Variants in OGDH observed in about 807,000 individuals in gnomAD.
The protein encoded by OGDH is 2-oxoglutarate dehydrogenase complex component E1.
In OGDH, 38 loss-of-function variants were observed where a neutral mutation model predicts 116.6. That is an observed-to-expected ratio of 0.33 (90% CI 0.25 to 0.43). OGDH has a LOEUF of 0.43. OGDH is among the 20% of genes least tolerant of loss of function. OGDH has a pLI of 1.00. For synonymous variants in OGDH, 488 were observed against 533.3 expected (o/e 0.92, Z 1.17); for missense variants, 825 against 1,357.2 (o/e 0.61, Z 6.16).
intron 5 of OGDH, among the ~76,000 whole-genome samples, chr7:44,669,194 C>T (rs989550881): frequency 1.0e-4 from 14 of 140,062 alleles, no homozygotes; most frequent in African/African-American, 2.6e-4. Context: ...ACTCTGTCAC[C>T]CAGGCTGGAG....
chr7:44,687,198 A>G (rs979386552), intron 10 of OGDH, among the ~76,000 whole-genome samples: 4 of 147,798 alleles, frequency 2.7e-5, no homozygotes, highest in African/African-American at 5.0e-5. Context: ...CCGAGGTTCA[A>G]GCGATTCTCC....
Position 44,707,883 on chromosome 7 carries a change from GCCGGCCGGGAC to G in OGDH, c.2959_2969del (p.Gly987SerfsTer38). The G allele has an allele frequency of 6.2e-7, 1 of 1,612,718 alleles. No homozygotes were observed. The highest frequency in any genetic ancestry group is 8.5e-7 in the Non-Finnish European group (1 of 1,179,502). Reference sequence around the variant, plus strand: ...CCCCCTCCCTCCATCTCTCAGGTATGCCGGCCGGGACCCAGCGGCTGCTCCAGCCACCGGCA... The same window carrying G: ...CCCCCTCCCTCCATCTCTCAGGTATGCCAGCGGCTGCTCCAGCCACCGGCA... On this transcript the variant is annotated frameshift_variant, in exon 23 of 23. Transcript: ENST00000222673. LOFTEE classifies it high-confidence loss of function. This position sits in a 1 kb window ranked among gnomAD's most constrained non-coding sequence, Gnocchi z 5.2.
chr7:44,629,588 T>C (rs1376807864), intron 2 of OGDH, among the ~76,000 whole-genome samples: 4 of 147,258 alleles, frequency 2.7e-5, no homozygotes, highest in Admixed American at 6.7e-5. Flanking sequence ...TTCTTTTTTT[T>C]TTTTTTTTTT....
intron 7 of OGDH, chr7:44,674,827 C>T (rs1007244410): frequency 1.3e-5 from 7 of 541,040 alleles, no homozygotes; most frequent in African/African-American, 1.9e-5. Context: ...AAAATTAAAC[C>T]CAAGTTCCCT....
At chr7:44,641,144 G>A (rs1293672408) in intron 2 of OGDH, among the ~76,000 whole-genome samples, 3 of 145,020 alleles carry the variant, frequency 2.1e-5, no homozygotes, top group African/African-American at 7.7e-5. Flanking sequence ...CTCGTGATCC[G>A]CCCGCTTCAG....
chr7:44,667,836 G>C (rs958500971), intron 5 of OGDH, among the ~76,000 whole-genome samples: 1 of 152,108 alleles, frequency 6.6e-6, no homozygotes, highest in Admixed American at 6.6e-5. Flanking sequence ...CCTGGAATGG[G>C]GACCCTCAGA....
intron 2 of OGDH, among the ~76,000 whole-genome samples, chr7:44,628,721 A>G (rs1785302807): frequency 6.6e-6 from 1 of 152,116 alleles, no homozygotes; most frequent in South Asian, 2.1e-4. Flanking sequence ...AAGTGCTGGG[A>G]TTACAGATGT....
chr7:44,627,688 A>AT (rs1338829498), intron 2 of OGDH, among the ~76,000 whole-genome samples: 3 of 151,616 alleles, frequency 2.0e-5, no homozygotes, highest in Non-Finnish European at 4.4e-5. Context: ...TATTTTATTT[A>AT]TTTTTTTGAG....
Position 44,624,312 on chromosome 7 carries a change from T to TTAA in OGDH, c.-27-5_-27-4insTAA. The TTAA allele has an allele frequency of 9.6e-6, 12 of 1,255,788 alleles. No homozygotes were observed. Among genetic ancestry groups the TTAA allele is most frequent in the African/African-American group, 2.1e-5 (1 of 47,646 alleles). The allele number at this position is 1,255,788 out of a possible 1,614,324, so 77.8% of individuals were successfully genotyped here. On this transcript the variant is annotated splice_region_variant and splice_polypyrimidine_tract_variant and intron_variant, in intron 1 of 22. Coordinates refer to ENST00000222673, the MANE Select transcript of OGDH (RefSeq NM_002541.4). ...TCTTGTTTTTTTTTTTTTTTTTTTG[T>TTAA]ACAGGCAGTTGTGAAAAACTTCAGG...
At chr7:44,682,427 G>A (rs1585357331) in intron 10 of OGDH, among the ~76,000 whole-genome samples, 1 of 152,070 alleles carries the variant, frequency 6.6e-6, no homozygotes, top group African/African-American at 2.4e-5. Context: ...ACCGGGCATG[G>A]TGGCCCACAA....
In OGDH at chr7:44,694,110, C is replaced by T. The variant is rs1031869489; in HGVS notation, c.1515+106C>T. The T allele has an allele frequency of 1.3e-5, 16 of 1,234,306 alleles. No individual in the cohort carries two copies. Among genetic ancestry groups the T allele is most frequent in the Non-Finnish European group, 1.7e-5 (15 of 896,634 alleles). The allele number at this position is 1,234,306 out of a possible 1,614,324, so 76.5% of individuals were successfully genotyped here. On this transcript the variant is annotated intron_variant, in intron 11 of 22. Coordinates refer to ENST00000222673, the MANE Select transcript of OGDH (RefSeq NM_002541.4). This position sits in a 1 kb window ranked among gnomAD's most constrained non-coding sequence, Gnocchi z 4.2. The stretch of plus-strand genomic sequence containing the variant: ...GAGAGGAGCTTGTCTAGATGAGTCA[C>T]CTCAGGGCTCTCTACTGCCAGGCCT...
chr7:44,687,793 CCT>C (rs1312469443), intron 10 of OGDH, among the ~76,000 whole-genome samples: 1 of 151,996 alleles, frequency 6.6e-6, no homozygotes, highest in Non-Finnish European at 1.5e-5. Flanking sequence ...GTAATTTACC[CCT>C]TTCACAAGTC....
chr7:44,663,773 CA>C (rs1229940743), intron 4 of OGDH, among the ~76,000 whole-genome samples: 2 of 151,546 alleles, frequency 1.3e-5, no homozygotes, highest in Non-Finnish European at 2.9e-5. Flanking sequence ...GATGCTATCT[CA>C]AAAAAAATTA....
intron 12 of OGDH, among the ~76,000 whole-genome samples, chr7:44,695,215 C>T (rs1377761686): frequency 6.6e-6 from 1 of 152,088 alleles, no homozygotes; most frequent in Non-Finnish European, 1.5e-5. Flanking sequence ...CATGTCTCAG[C>T]GTCCCAAGTA....
At chr7:44,692,144 A>G (rs1335621004) in intron 10 of OGDH, among the ~76,000 whole-genome samples, 2 of 151,596 alleles carry the variant, frequency 1.3e-5, no homozygotes, top group Admixed American at 6.6e-5. Flanking sequence ...CCTGTGGCTC[A>G]GTTTTCCCTT....
At chr7:44,704,147 G>A (rs534066403) in intron 20 of OGDH, among the ~76,000 whole-genome samples, 17 of 152,252 alleles carry the variant, frequency 1.1e-4, no homozygotes, top group South Asian at 4.1e-4. Flanking sequence ...TTCCACAGTG[G>A]CTGCATTTTA....
intron 4 of OGDH, among the ~76,000 whole-genome samples, chr7:44,657,781 A>G (rs1003990629): frequency 5.9e-5 from 9 of 152,248 alleles, no homozygotes; most frequent in Admixed American, 3.3e-4. Context: ...ATATAAATCT[A>G]TCATCCATTT....
chr7:44,629,742 G>A (rs1449160224), intron 2 of OGDH, among the ~76,000 whole-genome samples: 3 of 151,816 alleles, frequency 2.0e-5, no homozygotes, highest in African/African-American at 7.3e-5. Context: ...ATCACGCCTG[G>A]CTAATTTTTG....
At position 44,664,325 on chromosome 7, in the gene OGDH, C is replaced by T. The variant is rs565985362; in HGVS notation, c.518-2411C>T. 3.0e-4 allele frequency among the ~76,000 whole-genome samples: 45 copies of T among 152,292 alleles called. No individual in the cohort carries two copies. In the South Asian group the frequency reaches 3.5e-3, roughly 12 times the overall value. ...CAGAGAGAAGGACATTTTGGATTCC[C>T]TCTTGGGCCTTCGCTGAAACCTCTG... On this transcript the variant is annotated intron_variant, in intron 4 of 22. Coordinates refer to ENST00000222673, the MANE Select transcript of OGDH (RefSeq NM_002541.4).
Sources: gnomAD v4.1 joint callset for allele counts (sites outside exome capture counted in the v4.1 genomes callset) on GRCh38, gnomAD v4.1.1 for gene constraint, Gnocchi (gnomAD v3.1) non-coding constraint, MANE v1.5 for transcripts, NCBI Gene and HGNC (gene_info 2026-07-23, HGNC 2026-07-21) for gene names.